Variants in NBAS observed in about 807,000 individuals in gnomAD.
NBAS encodes NAG/BC035112 fusion.
A neutral mutation model predicts 302.5 loss-of-function variants in NBAS; 219 were observed. The ratio of observed to expected loss-of-function variants is 0.72; its 90% CI spans 0.65 to 0.81. The LOEUF (loss-of-function observed/expected upper bound fraction) is 0.81, where lower values mean the gene tolerates loss of function less well. Among genes scored for constraint, NBAS ranks in the 30% least tolerant of loss-of-function variants. The probability of loss-of-function intolerance (pLI) is 0.00; values close to 1 mark genes in which losing one functional copy is unlikely to be tolerated. For missense variants in NBAS, 2,932 were observed against 2,841.6 expected (o/e 1.03, Z -0.72); for synonymous variants, 1,118 against 1,021.6 (o/e 1.09, Z -1.80).
chr2:15,402,542 A>T (rs1676205879), intron 25 of NBAS, among the ~76,000 whole-genome samples: 1 of 152,214 alleles, frequency 6.6e-6, no homozygotes, highest in Non-Finnish European at 1.5e-5. Flanking sequence ...AGCTGAAAAC[A>T]GATTCTTCAA....
chr2:15,426,549 C>G (rs1677487910), intron 22 of NBAS, among the ~76,000 whole-genome samples: 1 of 151,978 alleles, frequency 6.6e-6, no homozygotes, highest in Non-Finnish European at 1.5e-5. Context: ...TTTTATCTTC[C>G]AACTCTTCTA....
chr2:14,850,220 A>G, the NBAS span, among the ~76,000 whole-genome samples: 2 of 133,480 alleles, frequency 1.5e-5, no homozygotes. Context: ...CTCAAAATAA[A>G]AGGATGGAGG....
At chr2:15,095,957 T>C in the NBAS span, among the ~76,000 whole-genome samples, 1 of 152,210 alleles carries the variant, frequency 6.6e-6, no homozygotes, top group African/African-American at 2.4e-5. Context: ...AGTGAGTGAC[T>C]GCCCAGCTTC....
At chr2:14,980,676 A>T in the NBAS span, among the ~76,000 whole-genome samples, 2 of 152,170 alleles carry the variant, frequency 1.3e-5, no homozygotes, top group Admixed American at 1.3e-4. Flanking sequence ...GCAGGAAAAA[A>T]AATCACTAGA....
intron 48 of NBAS, among the ~76,000 whole-genome samples, chr2:15,192,214 G>A (rs1402590317): frequency 1.3e-5 from 2 of 150,450 alleles, no homozygotes; most frequent in African/African-American, 4.9e-5. Flanking sequence ...AGAAATGTTA[G>A]CTCCTTGAAA....
At chr2:15,074,978 G>A in the NBAS span, among the ~76,000 whole-genome samples, 8 of 152,166 alleles carry the variant, frequency 5.3e-5, no homozygotes, top group Admixed American at 6.5e-5. Context: ...ATATCAGAAA[G>A]CTACTGGTAG....
At chr2:14,955,455 C>A in the NBAS span, among the ~76,000 whole-genome samples, 1 of 152,232 alleles carries the variant, frequency 6.6e-6, no homozygotes, top group Admixed American at 6.5e-5. Flanking sequence ...GGCAGTGCCC[C>A]AGTGGGGAAT....
chr2:15,528,989 C>T (rs1182300892), intron 9 of NBAS, among the ~76,000 whole-genome samples: 1 of 150,994 alleles, frequency 6.6e-6, no homozygotes, highest in African/African-American at 2.4e-5. Flanking sequence ...TTTACATCTC[C>T]CCCAACCGCT....
chr2:15,288,079 G>A (rs1670138115), intron 41 of NBAS, among the ~76,000 whole-genome samples: 1 of 152,238 alleles, frequency 6.6e-6, no homozygotes, highest in African/African-American at 2.4e-5. Context: ...CAACAGTGCT[G>A]CGGTTGAAAA....
At chr2:14,789,011 T>C in the NBAS span, among the ~76,000 whole-genome samples, 1 of 152,218 alleles carries the variant, frequency 6.6e-6, no homozygotes, top group Non-Finnish European at 1.5e-5. Flanking sequence ...GGCTGCTTTG[T>C]TTACCTAAGC....
chr2:14,963,399 T>C, the NBAS span, among the ~76,000 whole-genome samples: 2 of 152,256 alleles, frequency 1.3e-5, no homozygotes, highest in South Asian at 2.1e-4. Flanking sequence ...ACAGACCATC[T>C]GGCACATGCA....
At chr2:14,901,100 C>T in the NBAS span, among the ~76,000 whole-genome samples, 24 of 152,272 alleles carry the variant, frequency 1.6e-4, no homozygotes, top group Non-Finnish European at 3.1e-4. Context: ...CAGCTCATTT[C>T]TTGTCCATCT....
the NBAS span, among the ~76,000 whole-genome samples, chr2:14,921,416 G>A: frequency 1.3e-5 from 2 of 152,136 alleles, no homozygotes; most frequent in African/African-American, 4.8e-5. Flanking sequence ...CATTAAGTGA[G>A]CACATGCTGA....
chr2:14,803,939 C>T, the NBAS span, among the ~76,000 whole-genome samples: 2 of 152,264 alleles, frequency 1.3e-5, no homozygotes, highest in East Asian at 1.9e-4. Flanking sequence ...TGTGAGCCAC[C>T]GTGCCCAGCC....
intron 46 of NBAS, among the ~76,000 whole-genome samples, chr2:15,232,828 T>G (rs1667437626): frequency 6.6e-6 from 1 of 151,908 alleles, no homozygotes; most frequent in Admixed American, 6.6e-5. Context: ...AAGCATTAAA[T>G]GTAATAATGA....
chr2:14,821,828 C>T, the NBAS span, among the ~76,000 whole-genome samples: 3 of 151,376 alleles, frequency 2.0e-5, no homozygotes, highest in East Asian at 1.9e-4. Flanking sequence ...CTGGCCAAGA[C>T]GGTGAAACCC....
At chr2:15,561,057 G>C in intron 1 of NBAS, 131 bp downstream of exon 1, 1 of 582,652 alleles carries the variant, frequency 1.7e-6, no homozygotes, top group African/African-American at 2.0e-5. Context: ...TTGCCAAGGC[G>C]ACCGCACAAG....
rs749986625 is a variant in NBAS at position 15,179,089 on chromosome 2, G to T, written c.6739C>A (p.Leu2247Ile). Reference protein sequence around the residue: ...EGVKELCLLLLNQSLLLPSLK... With the variant: ...EGVKELCLLLINQSLLLPSLK... ...GATGGAAGCAGGAGGGACTGGTTAA[G>T]CAGCAGCAGACACAGCTCCTTCACA... The change falls in exon 51 of 52, where the codon CTT (leucine) becomes ATT (isoleucine). Residue 2247 changes from leucine (L) to isoleucine (I), a missense_variant. Leu to Ile is a conservative substitution (Grantham distance 5). Coordinates refer to ENST00000281513, the MANE Select transcript of NBAS (RefSeq NM_015909.4). 4 of 1,614,098 alleles carry T rather than the reference G, an allele frequency of 2.5e-6. No individual in the cohort carries two copies. Among genetic ancestry groups the T allele is most frequent in the Non-Finnish European group, 3.4e-6 (4 of 1,180,050 alleles).
At chr2:15,072,990 T>C in the NBAS span, among the ~76,000 whole-genome samples, 34 of 151,888 alleles carry the variant, frequency 2.2e-4, no homozygotes, top group African/African-American at 8.0e-4. Context: ...CAGCCAGGCA[T>C]TGGTGGCTCG....
Sources: gnomAD v4.1 joint callset for allele counts (sites outside exome capture counted in the v4.1 genomes callset) on GRCh38, gnomAD v4.1.1 for gene constraint, MANE v1.5 for transcripts, NCBI Gene and HGNC (gene_info 2026-07-23, HGNC 2026-07-21) for gene names.